The following GARNL3 variants were observed in gnomAD, a reference collection of about 807,000 sequenced individuals.
GARNL3 encodes GTPase-activating Rap/Ran-GAP domain-like protein 3.
A neutral mutation model predicts 125.0 loss-of-function variants in GARNL3; 63 were observed. That is an observed-to-expected ratio of 0.50 (90% CI 0.41 to 0.62). GARNL3 has a LOEUF of 0.62. Ranked by LOEUF, GARNL3 falls within the 20% of genes least tolerant of loss-of-function variation. The pLI is 0.00. For synonymous variants in GARNL3, 439 were observed against 457.5 expected, an observed-to-expected ratio of 0.96 and a Z score of 0.52; for missense variants, 994 against 1,244.0, an observed-to-expected ratio of 0.80 and a Z score of 3.02.
chr9:127,242,709 T>C lies in GARNL3; in HGVS notation c.-28-370T>C, dbSNP rs771392371. 1.3e-5 allele frequency among the ~76,000 whole-genome samples: 2 copies of C among 152,168 alleles called. No individual in the cohort carries two copies. Among genetic ancestry groups the C allele is most frequent in the Non-Finnish European group, 2.9e-5 (2 of 68,016 alleles). On this transcript the variant is annotated intron_variant, in intron 1 of 10. Coordinates refer to the GARNL3 transcript ENST00000439286. The surrounding 1 kb of genome is among the most constrained non-coding windows in gnomAD (Gnocchi z 4.6). ...GACTACCCCAGTAATGGCCATGAAG[T>C]CCTACCACCGGTGATTCTCCAGAAG...
intron 6 of GARNL3, among the ~76,000 whole-genome samples, chr9:127,322,171 A>G (rs2065425216): frequency 1.3e-5 from 2 of 152,184 alleles, no homozygotes; most frequent in African/African-American, 4.8e-5. Flanking sequence ...AATTATAAAT[A>G]TGTCAGTACC....
rs574386948 is a variant in GARNL3, at chr9:127,346,135, A to AATC, written c.1431+659_1431+660insTCA. ...TCCTGTTCCACTTTCCATGGGGGTA[A>AATC]AAACTAGGTGATCATCAAAAATAAA... is the stretch of plus-strand genomic sequence containing the variant. On this transcript the variant is annotated intron_variant, in intron 16 of 27. Coordinates refer to ENST00000373387, the MANE Select transcript of GARNL3 (RefSeq NM_032293.5). 3.5e-4 allele frequency among the ~76,000 whole-genome samples: 53 copies of AATC among 152,326 alleles called. No individual in the cohort carries two copies. The South Asian group carries it at 1.0e-2, about 29-fold the overall frequency.
chr9:127,336,308 TA>T (rs1829554313), intron 11 of GARNL3, 72 bp downstream of exon 11: 1 of 989,904 alleles, frequency 1.0e-6, no homozygotes, highest in African/African-American at 1.6e-5. Context: ...CCATGACCCT[TA>T]AACCAAATCT....
intron 1 of GARNL3, among the ~76,000 whole-genome samples, chr9:127,275,638 A>G (rs1402214712): frequency 1.3e-5 from 2 of 152,062 alleles, no homozygotes; most frequent in Non-Finnish European, 2.9e-5. Flanking sequence ...CTTTTATATC[A>G]CTAATCAAAT....
intron 12 of GARNL3, 76 bp from the exon 13 acceptor site, chr9:127,339,569 C>A (rs939527767): frequency 3.7e-5 from 37 of 1,012,424 alleles, no homozygotes; most frequent in South Asian, 3.5e-4. Context: ...AGATACAATT[C>A]AAGTGGCGAT....
At chr9:127,248,606 T>TTTTC (rs5900744) in intron 2 of GARNL3, among the ~76,000 whole-genome samples, 3 of 132,588 alleles carry the variant, frequency 2.3e-5, no homozygotes, top group African/African-American at 8.9e-5. Context: ...CTTTTTTTTT[T>TTTTC]TTTTTTTTTT....
intron 2 of GARNL3, among the ~76,000 whole-genome samples, chr9:127,302,077 G>C (rs2064811402): frequency 6.6e-6 from 1 of 151,442 alleles, no homozygotes; most frequent in African/African-American, 2.4e-5. Context: ...AGAGTAGCTG[G>C]GACTACAGGC....
At chr9:127,283,960 A>G (rs1255205964) in intron 1 of GARNL3, among the ~76,000 whole-genome samples, 1 of 152,248 alleles carries the variant, frequency 6.6e-6, no homozygotes, top group Admixed American at 6.5e-5. Context: ...GATGTTACAC[A>G]TACATGTTAA....
intron 1 of GARNL3, among the ~76,000 whole-genome samples, chr9:127,240,889 C>T (rs952783774): frequency 3.5e-5 from 5 of 142,256 alleles, no homozygotes; most frequent in African/African-American, 1.2e-4. Context: ...TCCTGGGTGG[C>T]AGAGTGAGAC....
At chr9:127,382,261 T>C (rs1407254706) in intron 22 of GARNL3, among the ~76,000 whole-genome samples, 2 of 151,938 alleles carry the variant, frequency 1.3e-5, no homozygotes, top group South Asian at 2.1e-4. Flanking sequence ...GATCTCACCA[T>C]TGCACTCCAG....
chr9:127,302,321 G>A (rs778173211), intron 2 of GARNL3, among the ~76,000 whole-genome samples: 10 of 152,134 alleles, frequency 6.6e-5, no homozygotes, highest in Non-Finnish European at 1.3e-4. Context: ...AATTAAAAAT[G>A]TGTATACCAT....
In GARNL3 at chr9:127,325,092, A is replaced by G; in HGVS notation, c.591A>G (p.Gln197=). Residue 197 remains glutamine (Q), a synonymous_variant, in exon 7 of 28, where the codon CAA becomes CAG. Coordinates refer to ENST00000373387, the MANE Select transcript of GARNL3 (RefSeq NM_032293.5). The stretch of plus-strand genomic sequence containing the variant: ...AGGACTTGCTGGTTCTTGAAGAACA[A>G]GAGGTGAGTAATTCTATGGAGATAT... The part of the protein sequence containing the change: ...IQKDLLVLEE[Q]EGSVNFKFGV... 1 of 1,613,452 alleles carries G rather than the reference A, an allele frequency of 6.2e-7. No homozygotes were observed. The highest frequency in any genetic ancestry group is 8.5e-7 in the Non-Finnish European group (1 of 1,179,390).
At chr9:127,360,060 G>A (rs1000751405) in intron 21 of GARNL3, among the ~76,000 whole-genome samples, 11 of 151,980 alleles carry the variant, frequency 7.2e-5, no homozygotes, top group African/African-American at 1.2e-4. Flanking sequence ...TCGCTCTGTC[G>A]CCCAGGCTGG....
intron 1 of GARNL3, among the ~76,000 whole-genome samples, chr9:127,279,421 TTTTA>T (rs1357876890): frequency 6.6e-6 from 1 of 152,184 alleles, no homozygotes; most frequent in Non-Finnish European, 1.5e-5. Context: ...TTTTCTTTCT[TTTTA>T]TTTTCATTTT....
chr9:127,293,658 A>T (rs931231766), intron 2 of GARNL3, among the ~76,000 whole-genome samples: 1 of 152,118 alleles, frequency 6.6e-6, no homozygotes, highest in South Asian at 2.1e-4. Context: ...GAATTCCAAT[A>T]TGTGAAGTTT....
chr9:127,272,126 GA>G (rs2063837662), intron 1 of GARNL3, among the ~76,000 whole-genome samples: 1 of 150,006 alleles, frequency 6.7e-6, no homozygotes, highest in Non-Finnish European at 1.5e-5. Context: ...TTGAAGTCTT[GA>G]TATGTAGTAA....
intron 1 of GARNL3, among the ~76,000 whole-genome samples, chr9:127,227,429 C>T (rs1423862193): frequency 6.6e-6 from 1 of 151,958 alleles, no homozygotes; most frequent in African/African-American, 2.4e-5. Context: ...GGTGAGACCC[C>T]ATCTCTACTA....
Position 127,385,523 on chromosome 9 carries a change from C to T in GARNL3, c.2388+378C>T, listed in dbSNP as rs776586774. On this transcript the variant is annotated intron_variant, in intron 24 of 27. Coordinates refer to ENST00000373387, the MANE Select transcript of GARNL3 (RefSeq NM_032293.5). This position sits in a 1 kb window ranked among gnomAD's most constrained non-coding sequence, Gnocchi z 4.1. ...CTTTCTTCCTTTCCCACCCTCTATC[C>T]TCAGTTTGAATTCTTAGCCTATGAA... Among the ~76,000 whole-genome samples, 2 of 152,180 alleles carry T rather than the reference C, an allele frequency of 1.3e-5. No individual in the cohort carries two copies. The highest frequency in any genetic ancestry group is 4.8e-5 in the African/African-American group (2 of 41,434).
chr9:127,225,313 T>A (rs898994847), intron 1 of GARNL3: 1 of 982,022 alleles, frequency 1.0e-6, no homozygotes, highest in South Asian at 4.7e-5. Context: ...CCCGGGGCGA[T>A]GGAACCGGAG....
Sources: gnomAD v4.1 joint callset for allele counts (sites outside exome capture counted in the v4.1 genomes callset) on GRCh38, gnomAD v4.1.1 for gene constraint, Gnocchi (gnomAD v3.1) non-coding constraint, MANE v1.5 for transcripts, NCBI Gene and HGNC (gene_info 2026-07-23, HGNC 2026-07-21) for gene names.